ARHGAP42: variants seen among roughly 807,000 people sequenced by gnomAD.
The protein encoded by ARHGAP42 is Rho GTPase activating protein 42.
In ARHGAP42, 63 loss-of-function variants were observed where a neutral mutation model predicts 125.0. The ratio of observed to expected loss-of-function variants is 0.50; its 90% CI spans 0.41 to 0.62. The LOEUF is 0.62. ARHGAP42 is among the 20% of genes least tolerant of loss of function. The pLI, the probability that ARHGAP42 is intolerant of heterozygous loss-of-function variation, is 0.00. For synonymous variants in ARHGAP42, 339 were observed against 351.0 expected, an observed-to-expected ratio of 0.97 and a Z score of 0.38; for missense variants, 766 against 1,024.2, an observed-to-expected ratio of 0.75 and a Z score of 3.44.
rs571729900 is a variant in ARHGAP42, at chr11:100,761,726, C to T, written c.155-8617C>T. Among the ~76,000 whole-genome samples, 5 of 152,200 alleles carry T rather than the reference C, an allele frequency of 3.3e-5. No individual in the cohort carries two copies. In the East Asian group the frequency reaches 9.7e-4, roughly 29 times the overall value. ...CTCTCTTGAAGATAGTAATTTAATACCCAGATTAAATATGTTATGCTTACA... is the reference window on the plus strand; with the variant it reads ...CTCTCTTGAAGATAGTAATTTAATATCCAGATTAAATATGTTATGCTTACA... On this transcript the variant is annotated intron_variant, in intron 1 of 23. Transcript: ENST00000298815.
At chr11:100,697,062 A>C (rs1861295890) in intron 1 of ARHGAP42, among the ~76,000 whole-genome samples, 1 of 152,176 alleles carries the variant, frequency 6.6e-6, no homozygotes, top group African/African-American at 2.4e-5. Flanking sequence ...ATTAATAATA[A>C]TACTATCCCT....
intron 1 of ARHGAP42, among the ~76,000 whole-genome samples, chr11:100,699,674 C>T (rs944991627): frequency 2.6e-5 from 4 of 151,192 alleles, no homozygotes; most frequent in African/African-American, 9.7e-5. Context: ...AGAGGTGCGC[C>T]ACCACGCCCA....
intron 3 of ARHGAP42, among the ~76,000 whole-genome samples, chr11:100,808,652 G>A (rs563811306): frequency 1.3e-5 from 2 of 151,732 alleles, no homozygotes; most frequent in Non-Finnish European, 2.9e-5. Context: ...TGATCCACCC[G>A]CCTCGGCCTC....
intron 1 of ARHGAP42, among the ~76,000 whole-genome samples, chr11:100,731,504 T>A (rs1429463478): frequency 1.3e-5 from 2 of 152,210 alleles, no homozygotes; most frequent in African/African-American, 4.8e-5. Flanking sequence ...TTCATCCTAA[T>A]GTTCTAAAGA....
chr11:100,857,613 T>C (rs1277828069), intron 3 of ARHGAP42, among the ~76,000 whole-genome samples: 1 of 152,148 alleles, frequency 6.6e-6, no homozygotes, highest in Non-Finnish European at 1.5e-5. Flanking sequence ...GTGAAATTAA[T>C]CATTGCCTTT....
chr11:100,804,498 A>G (rs1392591994), intron 3 of ARHGAP42, among the ~76,000 whole-genome samples: 2 of 151,862 alleles, frequency 1.3e-5, no homozygotes, highest in African/African-American at 2.4e-5. Flanking sequence ...ATAAAGATTA[A>G]TGGGAGTAAA....
intron 1 of ARHGAP42, among the ~76,000 whole-genome samples, chr11:100,764,198 A>AT (rs1862778553): frequency 2.0e-5 from 3 of 151,962 alleles, no homozygotes; most frequent in Admixed American, 1.3e-4. Context: ...ATTTTAAATC[A>AT]TTTTTTGTAA....
At chr11:100,776,862 A>G (rs1863139095) in intron 2 of ARHGAP42, among the ~76,000 whole-genome samples, 1 of 151,938 alleles carries the variant, frequency 6.6e-6, no homozygotes, top group Non-Finnish European at 1.5e-5. Context: ...ACGTGCCTGT[A>G]ATCCCAGCTA....
At chr11:100,777,963 G>A (rs1363717859) in intron 2 of ARHGAP42, among the ~76,000 whole-genome samples, 1 of 152,138 alleles carries the variant, frequency 6.6e-6, no homozygotes, top group Non-Finnish European at 1.5e-5. Flanking sequence ...CGGGAGGAAT[G>A]CTTGAGACCA....
rs35027486 is a variant in ARHGAP42, at chr11:100,698,542, G to A, written c.154+10710G>A. On this transcript the variant is annotated intron_variant, in intron 1 of 23. Transcript: ENST00000298815. ...AATACAAAATTAGCCGGGCATGGTG[G>A]CGCATGCCTGTAATTCCAGCTACTG... 3.0e-3 allele frequency among the ~76,000 whole-genome samples: 462 copies of A among 152,258 alleles called. 1 individual carries two copies. Among genetic ancestry groups the A allele is most frequent in the Middle Eastern group, 0.024 (7 of 294 alleles).
At position 100,886,844 on chromosome 11, in the gene ARHGAP42, A is replaced by G. The variant is rs151193119; in HGVS notation, c.385-26608A>G. Among the ~76,000 whole-genome samples, 546 of 152,266 alleles carry G rather than the reference A, an allele frequency of 3.6e-3. 3 individuals carry two copies. Among genetic ancestry groups the G allele is most frequent in the African/African-American group, 0.013 (527 of 41,560 alleles). ...GGGAAGAACACTGAATTAGGTTTAG[A>G]CTTTATGTTGACCCTCCTTGATTTA... On this transcript the variant is annotated intron_variant, in intron 4 of 23. Transcript: ENST00000298815.
intron 4 of ARHGAP42, among the ~76,000 whole-genome samples, chr11:100,913,044 C>CA (rs1434250699): frequency 6.6e-6 from 1 of 151,998 alleles, no homozygotes; most frequent in Non-Finnish European, 1.5e-5. Context: ...TCTGAATCAA[C>CA]AAAAAGCCTA....
intron 12 of ARHGAP42, among the ~76,000 whole-genome samples, chr11:100,955,185 T>G (rs7952634): frequency 6.6e-6 from 1 of 151,950 alleles, no homozygotes; most frequent in Admixed American, 6.6e-5. Flanking sequence ...CTTATGGAAA[T>G]TTTTTTAAGG....
intron 6 of ARHGAP42, 113 bp downstream of exon 6, chr11:100,921,717 A>C: frequency 1.5e-6 from 1 of 679,184 alleles, no homozygotes; most frequent in South Asian, 2.3e-5. Flanking sequence ...TGATAAAAAT[A>C]AAAGGGGAGT....
At chr11:100,751,256 T>TGTG (rs59806552) in intron 1 of ARHGAP42, among the ~76,000 whole-genome samples, 4 of 145,708 alleles carry the variant, frequency 2.7e-5, no homozygotes, top group Admixed American at 6.9e-5. Context: ...TGTATGTGTG[T>TGTG]TATATATATA....
At chr11:100,788,445 T>C (rs1009869379) in intron 2 of ARHGAP42, among the ~76,000 whole-genome samples, 3 of 152,182 alleles carry the variant, frequency 2.0e-5, no homozygotes, top group Non-Finnish European at 4.4e-5. Flanking sequence ...CTCCAAGTAC[T>C]AGGTCGTATT....
intron 3 of ARHGAP42, among the ~76,000 whole-genome samples, chr11:100,818,221 T>C (rs1230230808): frequency 2.0e-5 from 3 of 151,994 alleles, no homozygotes; most frequent in African/African-American, 4.8e-5. Context: ...TGGACCAGCA[T>C]GTATAAATGC....
At chr11:100,800,856 C>A (rs1370752732) in intron 3 of ARHGAP42, among the ~76,000 whole-genome samples, 1 of 152,186 alleles carries the variant, frequency 6.6e-6, no homozygotes, top group Admixed American at 6.5e-5. Context: ...TCACACAAAT[C>A]TAAACATTGC....
At chr11:100,715,586 C>T (rs938012708) in intron 1 of ARHGAP42, among the ~76,000 whole-genome samples, 1 of 152,258 alleles carries the variant, frequency 6.6e-6, no homozygotes, top group Non-Finnish European at 1.5e-5. Context: ...CAAGACTCAT[C>T]CTTGGCGTAT....
Sources: allele counts gnomAD v4.1 joint callset (sites outside exome capture counted in the v4.1 genomes callset), GRCh38; gene constraint gnomAD v4.1.1; transcripts MANE v1.5; gene names NCBI Gene and HGNC (gene_info 2026-07-23, HGNC 2026-07-21).